The following PLCXD3 variants were observed in gnomAD, a reference collection of about 807,000 sequenced individuals.
PLCXD3 encodes the protein phosphatidylinositol specific phospholipase C X domain containing 3, also known as PI-PLC X domain-containing protein 3.
PLCXD3 carries 19 observed loss-of-function variants against 25.5 expected under a neutral mutation model. The ratio of observed to expected loss-of-function variants is 0.75; its 90% CI spans 0.52 to 1.09. The LOEUF (loss-of-function observed/expected upper bound fraction) is 1.09. Ranked by LOEUF, PLCXD3 falls within the 50% of genes least tolerant of loss-of-function variation. The pLI is 0.00. For missense variants in PLCXD3, 411 were observed against 388.1 expected (o/e 1.06, Z -0.50); for synonymous variants, 174 against 137.6 (o/e 1.26, Z -1.85).
At chr5:41,366,134 A>G (rs1264219603) in intron 2 of PLCXD3, among the ~76,000 whole-genome samples, 3 of 151,180 alleles carry the variant, frequency 2.0e-5, no homozygotes, top group Non-Finnish European at 4.4e-5. Flanking sequence ...GATGTTCCCC[A>G]CCCTGTGTCC....
intron 1 of PLCXD3, among the ~76,000 whole-genome samples, chr5:41,388,210 C>A (rs1265477988): frequency 2.0e-5 from 3 of 151,912 alleles, no homozygotes; most frequent in African/African-American, 2.4e-5. Flanking sequence ...ACAAATAAAA[C>A]CTTATACCAA....
intron 1 of PLCXD3, among the ~76,000 whole-genome samples, chr5:41,481,284 T>C (rs1449072598): frequency 6.6e-6 from 1 of 152,198 alleles, no homozygotes; most frequent in Non-Finnish European, 1.5e-5. Context: ...TTAGAGTTAA[T>C]ACATGTAAGT....
chr5:41,467,914 G>A (rs1748060120), intron 1 of PLCXD3, among the ~76,000 whole-genome samples: 1 of 150,034 alleles, frequency 6.7e-6, no homozygotes, highest in African/African-American at 2.4e-5. Flanking sequence ...TCCATGGGTT[G>A]ATGTCTCTGT....
intron 2 of PLCXD3, among the ~76,000 whole-genome samples, chr5:41,332,118 C>T (rs1383315184): frequency 6.6e-6 from 1 of 152,076 alleles, no homozygotes; most frequent in Non-Finnish European, 1.5e-5. Context: ...TAAAGAGCTT[C>T]TGCACAGCAA....
At chr5:41,383,856 C>CA (rs1202616399) in intron 1 of PLCXD3, among the ~76,000 whole-genome samples, 1 of 78,136 alleles carries the variant, frequency 1.3e-5, no homozygotes, top group Non-Finnish European at 3.4e-5. Context: ...CTATTTGAAG[C>CA]ATTTTTTTCA....
chr5:41,483,100 G>T (rs1748447181), intron 1 of PLCXD3, among the ~76,000 whole-genome samples: 1 of 152,116 alleles, frequency 6.6e-6, no homozygotes, highest in African/African-American at 2.4e-5. Context: ...TTCATTTTAA[G>T]ATCAGTTTCT....
intron 1 of PLCXD3, among the ~76,000 whole-genome samples, chr5:41,405,909 A>G (rs1165870386): frequency 6.6e-6 from 1 of 152,106 alleles, no homozygotes; most frequent in East Asian, 1.9e-4. Flanking sequence ...CAACTCATAT[A>G]AAACCCCAGC....
intron 2 of PLCXD3, among the ~76,000 whole-genome samples, chr5:41,344,322 T>C (rs913742860): frequency 6.6e-6 from 1 of 152,184 alleles, no homozygotes; most frequent in Non-Finnish European, 1.5e-5. Flanking sequence ...GACTCAATAA[T>C]TAAGGTTTCA....
At chr5:41,459,369 C>T (rs575240663) in intron 1 of PLCXD3, among the ~76,000 whole-genome samples, 1 of 151,748 alleles carries the variant, frequency 6.6e-6, no homozygotes, top group Non-Finnish European at 1.5e-5. Flanking sequence ...TGCTTAAAAG[C>T]CCTTCAATTA....
chr5:41,386,379 T>C (rs1232612235), intron 1 of PLCXD3, among the ~76,000 whole-genome samples: 4 of 152,116 alleles, frequency 2.6e-5, no homozygotes, highest in Non-Finnish European at 2.9e-5. Flanking sequence ...CTGTGTAGAA[T>C]GTGTGTAATC....
intron 2 of PLCXD3, among the ~76,000 whole-genome samples, chr5:41,365,669 T>C (rs1295794009): frequency 6.6e-6 from 1 of 152,160 alleles, no homozygotes. Context: ...AAACACTATT[T>C]TGGTCTACTT....
intron 1 of PLCXD3, among the ~76,000 whole-genome samples, chr5:41,445,992 C>T (rs930417377): frequency 3.3e-5 from 5 of 151,510 alleles, no homozygotes; most frequent in Admixed American, 2.6e-4. Flanking sequence ...TCGAGACTAT[C>T]CTGGCTAACA....
chr5:41,317,687 C>G (rs1580294770), intron 2 of PLCXD3, among the ~76,000 whole-genome samples: 1 of 151,756 alleles, frequency 6.6e-6, no homozygotes, highest in Non-Finnish European at 1.5e-5. Flanking sequence ...TAAAAAGAGT[C>G]AAGCAGAAAT....
At chr5:41,454,506 C>G (rs1473424008) in intron 1 of PLCXD3, among the ~76,000 whole-genome samples, 2 of 151,894 alleles carry the variant, frequency 1.3e-5, no homozygotes, top group African/African-American at 2.4e-5. Context: ...GTGGACAGAG[C>G]CCTAATGACC....
At chr5:41,367,151 A>G (rs541680152) in intron 2 of PLCXD3, among the ~76,000 whole-genome samples, 1 of 152,268 alleles carries the variant, frequency 6.6e-6, no homozygotes, top group African/African-American at 2.4e-5. Flanking sequence ...TTGGGTATGT[A>G]CCCAGTAATG....
intron 1 of PLCXD3, among the ~76,000 whole-genome samples, chr5:41,500,219 A>C (rs916512492): frequency 2.0e-5 from 3 of 152,000 alleles, no homozygotes; most frequent in Non-Finnish European, 4.4e-5. Context: ...TGTATACACA[A>C]TAGAATACTA....
At chr5:41,324,309 G>A (rs1462599923) in intron 2 of PLCXD3, among the ~76,000 whole-genome samples, 2 of 152,152 alleles carry the variant, frequency 1.3e-5, no homozygotes, top group African/African-American at 4.8e-5. Context: ...ATCTCAGAAA[G>A]TATATCCAGT....
intron 1 of PLCXD3, among the ~76,000 whole-genome samples, chr5:41,464,067 C>T (rs747585007): frequency 3.3e-5 from 5 of 152,008 alleles, no homozygotes; most frequent in Admixed American, 6.6e-5. Flanking sequence ...CTAATTGCCA[C>T]TCACAGACCA....
rs1404598670 is a variant in PLCXD3 at position 41,309,823 on chromosome 5, G to A, written c.*3794C>T. On this transcript the variant is annotated 3_prime_UTR_variant, in exon 3 of 3. Coordinates refer to ENST00000377801, the MANE Select transcript of PLCXD3 (RefSeq NM_001005473.3). ...GTGCCAGGCATTTTCTATTTCTGATGGCCTCACTTTTCATTGGTTTTCTAG... is the reference window on the plus strand; with the variant it reads ...GTGCCAGGCATTTTCTATTTCTGATAGCCTCACTTTTCATTGGTTTTCTAG... 2.0e-5 allele frequency: 3 copies of A among 151,984 alleles called. No homozygotes were observed. The highest frequency in any genetic ancestry group is 7.2e-5 in the African/African-American group (3 of 41,420). 9.4% of individuals were successfully genotyped at this position (151,984 alleles called of 1,614,324 possible).
Sources: allele counts gnomAD v4.1 joint callset (sites outside exome capture counted in the v4.1 genomes callset), GRCh38; gene constraint gnomAD v4.1.1; transcripts MANE v1.5; gene names NCBI Gene and HGNC (gene_info 2026-07-23, HGNC 2026-07-21).